The following OR51E2 variants were observed in gnomAD, a reference collection of about 807,000 sequenced individuals.
OR51E2 encodes the protein olfactory receptor family 51 subfamily E member 2, also known as olfactory receptor 51E2.
Under a neutral mutation model 13.7 loss-of-function variants are expected in OR51E2, and 14 were observed. The ratio of observed to expected loss-of-function variants is 1.02; its 90% CI spans 0.68 to 1.60. OR51E2 has a LOEUF of 1.60. Ranked by LOEUF, OR51E2 falls within the 40% of genes most tolerant of loss-of-function variation. The pLI, the probability that OR51E2 is intolerant of heterozygous loss-of-function variation, is 0.00. For missense variants in OR51E2, 483 were observed against 413.8 expected, an observed-to-expected ratio of 1.17 and a Z score of -1.45; for synonymous variants, 180 against 157.6, an observed-to-expected ratio of 1.14 and a Z score of -1.07.
At chr11:4,691,986 G>A (rs1011550073) in intron 1 of OR51E2, among the ~76,000 whole-genome samples, 1 of 152,120 alleles carries the variant, frequency 6.6e-6, no homozygotes, top group East Asian at 1.9e-4. Context: ...TCCTCTGATC[G>A]TTCTAGCCAT....
At chr11:4,684,612 T>A (rs1025988385) in intron 1 of OR51E2, among the ~76,000 whole-genome samples, 1 of 152,224 alleles carries the variant, frequency 6.6e-6, no homozygotes, top group African/African-American at 2.4e-5. Context: ...CATGCAGTGC[T>A]GACAGATAAC....
chr11:4,682,888 G>A (rs1847474339), intron 1 of OR51E2, 127 bp from the exon 2 acceptor site: 1 of 612,566 alleles, frequency 1.6e-6, no homozygotes, highest in Non-Finnish European at 2.8e-6. Context: ...CCAAAGGCGG[G>A]ACTGTGACAG....
intron 1 of OR51E2, among the ~76,000 whole-genome samples, chr11:4,694,555 C>CA (rs1428137333): frequency 9.4e-6 from 1 of 106,352 alleles, no homozygotes; most frequent in Non-Finnish European, 2.1e-5. Context: ...TATATATACA[C>CA]ACACACATAC....
chr11:4,683,323 CTT>C (rs1847479022), intron 1 of OR51E2, among the ~76,000 whole-genome samples: 1 of 152,278 alleles, frequency 6.6e-6, no homozygotes, highest in South Asian at 2.1e-4. Flanking sequence ...TAGGAGATAA[CTT>C]TGCAAATTTT....
intron 1 of OR51E2, among the ~76,000 whole-genome samples, chr11:4,694,391 T>G (rs1272423400): frequency 6.6e-6 from 1 of 151,860 alleles, no homozygotes; most frequent in African/African-American, 2.4e-5. Flanking sequence ...AGAGGGTACC[T>G]TATTCTTTTT....
chr11:4,682,467 G>T lies in OR51E2; in HGVS notation c.245C>A (p.Ala82Asp). ...LSTSTMPKIL[A>D]LFWFDSREIS... ...CTCTCGGGAATCAAACCAGAAAAGG[G>T]CAAGGATCTTAGGCATGGTGGATGT... The change falls in exon 2 of 2, where the codon GCC (alanine) becomes GAC (aspartate). Residue 82 changes from alanine to aspartate, a missense_variant. Ala to Asp is a moderately radical substitution (Grantham distance 126). Transcript: ENST00000396950. The T allele has an allele frequency of 6.2e-7, 1 of 1,614,218 alleles. No homozygotes were observed. Among genetic ancestry groups the T allele is most frequent in the Non-Finnish European group, 8.5e-7 (1 of 1,180,040 alleles).
rs868072539 is a variant in OR51E2 at position 4,693,577 on chromosome 11, C to T, written c.-51+4076G>A. Among the ~76,000 whole-genome samples the T allele has an allele frequency of 2.0e-4, 31 of 152,064 alleles. No individual in the cohort carries two copies. The Middle Eastern group carries it at 0.01, about 50-fold the overall frequency. ...TCTACTAAAAATACAAAAAATTAGC[C>T]GGGCGTGGTGGCGGGCGCCTGTAGT... On this transcript the variant is annotated intron_variant, in intron 1 of 1. Coordinates refer to ENST00000396950, the MANE Select transcript of OR51E2 (RefSeq NM_030774.4).
intron 1 of OR51E2, among the ~76,000 whole-genome samples, chr11:4,686,127 G>T (rs1307411145): frequency 6.6e-6 from 1 of 152,168 alleles, no homozygotes; most frequent in East Asian, 1.9e-4. Flanking sequence ...TGAGTTTAGG[G>T]TGCCAGAGGT....
At chr11:4,683,491 G>T (rs1263723779) in intron 1 of OR51E2, among the ~76,000 whole-genome samples, 1 of 152,092 alleles carries the variant, frequency 6.6e-6, no homozygotes, top group Non-Finnish European at 1.5e-5. Flanking sequence ...CTCATCTGTG[G>T]TCATAAAATC....
intron 1 of OR51E2, among the ~76,000 whole-genome samples, chr11:4,687,644 A>G (rs1330653536): frequency 6.6e-6 from 1 of 152,250 alleles, no homozygotes; most frequent in Non-Finnish European, 1.5e-5. Flanking sequence ...ACAATGGACC[A>G]GACACTATAG....
At chr11:4,687,387 A>G (rs1311285985) in intron 1 of OR51E2, among the ~76,000 whole-genome samples, 2 of 152,206 alleles carry the variant, frequency 1.3e-5, no homozygotes, top group African/African-American at 2.4e-5. Flanking sequence ...TATGTTGGGA[A>G]GTGGAAATAA....
At chr11:4,686,265 T>C (rs1847514599) in intron 1 of OR51E2, among the ~76,000 whole-genome samples, 1 of 152,194 alleles carries the variant, frequency 6.6e-6, no homozygotes, top group Non-Finnish European at 1.5e-5. Flanking sequence ...TATTTAGTCA[T>C]TGGGTGGGTC....
At chr11:4,686,525 C>A (rs10742359) in intron 1 of OR51E2, among the ~76,000 whole-genome samples, 90,810 of 152,000 alleles carry the variant, frequency 0.6, 28,761 homozygotes, top group South Asian at 0.79. Context: ...GATTGCTATT[C>A]CAGAAGCTGT....
At chr11:4,693,248 A>G (rs1847608417) in intron 1 of OR51E2, among the ~76,000 whole-genome samples, 1 of 152,240 alleles carries the variant, frequency 6.6e-6, no homozygotes, top group Non-Finnish European at 1.5e-5. Flanking sequence ...TCAACTAGAA[A>G]TAAGATAAAA....
intron 1 of OR51E2, among the ~76,000 whole-genome samples, chr11:4,695,273 G>T (rs1486475876): frequency 6.6e-6 from 1 of 152,114 alleles, no homozygotes; most frequent in Non-Finnish European, 1.5e-5. Context: ...CTCATTTAAT[G>T]CCAACAAAAT....
intron 1 of OR51E2, among the ~76,000 whole-genome samples, chr11:4,685,626 CAG>C (rs1847505978): frequency 6.6e-6 from 1 of 152,152 alleles, no homozygotes; most frequent in Non-Finnish European, 1.5e-5. Context: ...AGATAAAGCC[CAG>C]ATGATATGAC....
At chr11:4,695,577 T>C (rs1275271992) in intron 1 of OR51E2, among the ~76,000 whole-genome samples, 1 of 152,200 alleles carries the variant, frequency 6.6e-6, no homozygotes, top group Non-Finnish European at 1.5e-5. Flanking sequence ...TTCCTTCACC[T>C]TCAGTAACAA....
intron 1 of OR51E2, among the ~76,000 whole-genome samples, chr11:4,693,385 G>C (rs1278311193): frequency 2.0e-5 from 3 of 152,196 alleles, no homozygotes; most frequent in Non-Finnish European, 2.9e-5. Context: ...TTTTATGTAA[G>C]TTGAGACGAA....
intron 1 of OR51E2, 86 bp downstream of exon 1, chr11:4,697,567 A>G (rs1225581330): frequency 2.0e-5 from 3 of 152,656 alleles, no homozygotes; most frequent in African/African-American, 4.8e-5. Context: ...AATTCTGCAC[A>G]TTGTGAGGAA....
Sources: gnomAD v4.1 joint callset for allele counts (sites outside exome capture counted in the v4.1 genomes callset) on GRCh38, gnomAD v4.1.1 for gene constraint, MANE v1.5 for transcripts, NCBI Gene and HGNC (gene_info 2026-07-23, HGNC 2026-07-21) for gene names.